SMIM7: variants seen among roughly 807,000 people sequenced by gnomAD.
The protein encoded by SMIM7 is UPF0608 protein C19orf42.
SMIM7 carries 12 observed loss-of-function variants against 13.3 expected under a neutral mutation model. That is an observed-to-expected ratio of 0.90 (90% CI 0.58 to 1.46). SMIM7 has a LOEUF of 1.46. SMIM7 is among the 40% of genes most tolerant of loss of function. The probability of loss-of-function intolerance (pLI) is 0.00; values close to 1 mark genes in which losing one functional copy is unlikely to be tolerated. For synonymous variants in SMIM7, 36 were observed against 35.8 expected (o/e 1.01, Z -0.02); for missense variants, 114 against 94.8 (o/e 1.20, Z -0.84).
At chr19:16,647,769 T>C (rs2086469161) in intron 4 of SMIM7, among the ~76,000 whole-genome samples, 1 of 152,108 alleles carries the variant, frequency 6.6e-6, no homozygotes. Flanking sequence ...ACCACCACCC[T>C]ATAAGGGAAA....
rs556336450 is a variant in SMIM7 at position 16,639,153 on chromosome 19, G to C, written c.*138-7429C>G. Among the ~76,000 whole-genome samples, 10 of 132,958 alleles carry C rather than the reference G, an allele frequency of 7.5e-5. No individual in the cohort carries two copies. In the South Asian group the frequency reaches 2.1e-3, roughly 28 times the overall value. The allele number at this position is 132,958 out of a possible 152,430, so 87.2% of individuals were successfully genotyped here. On this transcript the variant is annotated intron_variant and NMD_transcript_variant, in intron 4 of 4. Transcript: ENST00000465250. ...TTTTTTTTTTTTGAGACGGAGTCTT[G>C]CTCTGTCGCCCAGGCTGGAGTGCAG...
chr19:16,641,235 G>A (rs1031678584), downstream of SMIM7: 6 of 152,008 alleles, frequency 3.9e-5, no homozygotes, highest in African/African-American at 1.5e-4. Flanking sequence ...ATAGTATGGA[G>A]GTTGCTAAAG....
downstream of SMIM7, among the ~76,000 whole-genome samples, chr19:16,644,118 GTTT>G (rs557600997): frequency 3.5e-5 from 3 of 85,430 alleles, no homozygotes; most frequent in East Asian, 3.5e-4. Flanking sequence ...AATTGTTTGC[GTTT>G]TTTTTTTTTT....
intron 3 of SMIM7, among the ~76,000 whole-genome samples, chr19:16,655,077 T>G (rs1216198868): frequency 6.6e-6 from 1 of 152,142 alleles, no homozygotes. Context: ...ACCCTAATCT[T>G]GAAGGACTGG....
At chr19:16,652,067 T>C (rs1042347892) in intron 4 of SMIM7, among the ~76,000 whole-genome samples, 1 of 147,160 alleles carries the variant, frequency 6.8e-6, no homozygotes, top group Non-Finnish European at 1.5e-5. Flanking sequence ...CCCAGGACCT[T>C]TGCAAAGACG....
At chr19:16,644,211 C>G (rs1301395984), downstream of SMIM7, among the ~76,000 whole-genome samples, 1 of 149,796 alleles carries the variant, frequency 6.7e-6, no homozygotes, top group Non-Finnish European at 1.5e-5. Context: ...ACCTCCGCCT[C>G]CCTGGTTCAA....
Position 16,639,502 on chromosome 19 carries a change from A to G in SMIM7, c.*137+7594T>C, listed in dbSNP as rs146559589. ...AAAGGGTCAGAAAGTAAATAGGTTC[A>G]GCTTTGCAGGCTGAATGGTTTCTGT... On this transcript the variant is annotated intron_variant and NMD_transcript_variant, in intron 4 of 4. Coordinates refer to the SMIM7 transcript ENST00000465250. Among the ~76,000 whole-genome samples the G allele has an allele frequency of 7.7e-3, 1,180 of 152,352 alleles. 16 individuals carry two copies. Among genetic ancestry groups the G allele is most frequent in the African/African-American group, 0.025 (1,054 of 41,582 alleles).
intron 4 of SMIM7, among the ~76,000 whole-genome samples, chr19:16,650,099 C>T (rs2086502776): frequency 6.6e-6 from 1 of 152,182 alleles, no homozygotes; most frequent in Admixed American, 6.5e-5. Flanking sequence ...ATTGTGAAGA[C>T]AGACTTCCGC....
chr19:16,650,305 G>C (rs1020380134), intron 4 of SMIM7, among the ~76,000 whole-genome samples: 10 of 152,206 alleles, frequency 6.6e-5, no homozygotes, highest in African/African-American at 2.4e-4. Flanking sequence ...GTGTTTCAAT[G>C]TAAGTTATAG....
chr19:16,635,801 T>C (rs1041803082), intron 4 of SMIM7, among the ~76,000 whole-genome samples: 1 of 148,258 alleles, frequency 6.7e-6, no homozygotes, highest in Admixed American at 6.8e-5. Flanking sequence ...GGAGAGTCGC[T>C]TAAACCTGGG....
chr19:16,647,923 AAAG>A (rs1303276796), intron 4 of SMIM7, among the ~76,000 whole-genome samples: 4 of 152,240 alleles, frequency 2.6e-5, no homozygotes, highest in Non-Finnish European at 5.9e-5. Context: ...TCCACATGCA[AAAG>A]AATAAAGTTG....
rs112108563 is a variant in SMIM7 at position 16,635,656 on chromosome 19, C to T, written c.*138-3932G>A. 2.2e-3 allele frequency among the ~76,000 whole-genome samples: 327 copies of T among 151,298 alleles called. 1 individual carries two copies. Among genetic ancestry groups the T allele is most frequent in the African/African-American group, 7.7e-3 (318 of 41,236 alleles). ...CAGCACTTTGAGAGGCCGAGGCGGG[C>T]GGATCACTTGAGGTCAGGAGTTTGA... On this transcript the variant is annotated intron_variant and NMD_transcript_variant, in intron 4 of 4. Transcript: ENST00000465250.
chr19:16,653,717 A>C (rs1326524775), intron 4 of SMIM7: 3 of 332,474 alleles, frequency 9.0e-6, no homozygotes, highest in Admixed American at 4.7e-5. Flanking sequence ...AACACGATGG[A>C]ACCCCGTCTC....
intron 3 of SMIM7, chr19:16,655,260 G>A (rs2086581764): frequency 2.2e-6 from 1 of 453,644 alleles, no homozygotes; most frequent in Non-Finnish European, 4.4e-6. Flanking sequence ...GAATGCCAAG[G>A]AACAGAAACC....
At chr19:16,659,321 G>C in intron 3 of SMIM7, 74 bp downstream of exon 3, 4 of 899,478 alleles carry the variant, frequency 4.4e-6, no homozygotes, top group Non-Finnish European at 7.0e-6. Flanking sequence ...GAAAGAAAAC[G>C]AAGGTAGGGC....
At chr19:16,659,321 GA>G in intron 3 of SMIM7, 73 bp downstream of exon 3, 1 of 899,506 alleles carries the variant, frequency 1.1e-6, no homozygotes, top group Non-Finnish European at 1.7e-6. Flanking sequence ...GAAAGAAAAC[GA>G]AGGTAGGGCT....
Position 16,647,064 on chromosome 19 carries a change from A to C in SMIM7, c.*182T>G. ...GAGACCAAAGTGAAACTATCTTTGAAAACAGGGACGTGGCTGGGAAACCAT... is the reference window on the plus strand; with the variant it reads ...GAGACCAAAGTGAAACTATCTTTGACAACAGGGACGTGGCTGGGAAACCAT... On this transcript the variant is annotated 3_prime_UTR_variant, in exon 5 of 5. Transcript: ENST00000487416. 5.6e-6 allele frequency: 4 copies of C among 708,052 alleles called. No individual in the cohort carries two copies. The Admixed American group carries it at 1.1e-4, about 19-fold the overall frequency. The allele number at this position is 708,052 out of a possible 1,614,324, so 43.9% of individuals were successfully genotyped here. A position where few individuals can be genotyped will look rare whatever the true frequency, so the allele number is the denominator to read the frequency against.
chr19:16,649,816 C>A (rs1435244685), intron 4 of SMIM7, among the ~76,000 whole-genome samples: 2 of 152,132 alleles, frequency 1.3e-5, no homozygotes, highest in Admixed American at 6.6e-5. Flanking sequence ...CTGCTCCAGG[C>A]TACAACGTGG....
In SMIM7 at chr19:16,659,984, C is replaced by T. The variant is rs748697754; in HGVS notation, c.43G>A (p.Ala15Thr). ...ILLFGTLLMN[A>T]GAVLNFKLKK... is the part of the protein sequence containing the mutation. ...AGCTTAAAGTTCAGCACCGCCCCGG[C>T]ATTCATCAGCAACGTCCTGCAGAGG... The change falls in exon 2 of 5, where the codon GCC (alanine) becomes ACC (threonine). Residue 15 changes from alanine (A) to threonine (T), a missense_variant. Physicochemically the swap from Ala to Thr is moderately conservative, Grantham distance 58. Coordinates refer to ENST00000487416, the MANE Select transcript of SMIM7 (RefSeq NM_024104.4). 6.2e-7 allele frequency: 1 copy of T among 1,613,692 alleles called. No homozygotes were observed. The highest frequency in any genetic ancestry group is 8.5e-7 in the Non-Finnish European group (1 of 1,179,874).
Sources: allele counts gnomAD v4.1 joint callset (sites outside exome capture counted in the v4.1 genomes callset), GRCh38; gene constraint gnomAD v4.1.1; transcripts MANE v1.5; gene names NCBI Gene and HGNC (gene_info 2026-07-23, HGNC 2026-07-21).